NELL1: variants seen among roughly 807,000 people sequenced by gnomAD.
NELL1 encodes neural EGFL like 1.
Under a neutral mutation model 107.4 loss-of-function variants are expected in NELL1, and 76 were observed. The observed-to-expected ratio is 0.71, with a 90% CI of 0.59 to 0.86. The LOEUF is 0.86. Among genes scored for constraint, NELL1 ranks in the 40% least tolerant of loss-of-function variants. NELL1 has a pLI of 0.00. For synonymous variants in NELL1, 353 were observed against 341.2 expected, an observed-to-expected ratio of 1.03 and a Z score of -0.38; for missense variants, 1,024 against 1,005.5, an observed-to-expected ratio of 1.02 and a Z score of -0.25.
At chr11:20,820,868 C>T (rs1857735182) in intron 3 of NELL1, among the ~76,000 whole-genome samples, 2 of 150,912 alleles carry the variant, frequency 1.3e-5, no homozygotes, top group South Asian at 2.1e-4. Flanking sequence ...CCCCATTACC[C>T]TGATTTATGT....
At chr11:21,364,130 G>T (rs936875134) in intron 14 of NELL1, among the ~76,000 whole-genome samples, 1 of 151,980 alleles carries the variant, frequency 6.6e-6, no homozygotes, top group Non-Finnish European at 1.5e-5. Context: ...AAGACTTCAG[G>T]CCAGGCGTGG....
intron 14 of NELL1, among the ~76,000 whole-genome samples, chr11:21,355,331 G>A (rs971138496): frequency 2.6e-5 from 4 of 152,102 alleles, no homozygotes; most frequent in African/African-American, 4.8e-5. Context: ...TAGAGAAAAC[G>A]GGGCTGATAT....
intron 15 of NELL1, among the ~76,000 whole-genome samples, chr11:21,391,439 T>C (rs544371137): frequency 6.6e-6 from 1 of 151,834 alleles, no homozygotes; most frequent in Non-Finnish European, 1.5e-5. Flanking sequence ...ACATCTTCTC[T>C]GTTCTTTATT....
chr11:20,968,601 A>G (rs753311421), intron 12 of NELL1, among the ~76,000 whole-genome samples: 5 of 152,186 alleles, frequency 3.3e-5, no homozygotes, highest in African/African-American at 4.8e-5. Context: ...CCTTCACTAC[A>G]TGACAAGAGG....
At position 20,677,968 on chromosome 11, in the gene NELL1, A is replaced by T; in HGVS notation, c.92A>T (p.Asp31Val). The T allele has an allele frequency of 6.2e-7, 1 of 1,614,086 alleles. No individual in the cohort carries two copies. The highest frequency in any genetic ancestry group is 8.5e-7 in the Non-Finnish European group (1 of 1,180,004). Residue 31 changes from aspartate to valine, a missense_variant, in exon 2 of 20, where the codon GAT becomes GTT. By Grantham distance (152) the Asp-to-Val change is radical (BLOSUM62 -3). Transcript: ENST00000357134. ...GFGMDPDLQM[D>V]IVTELDLVNT... ...GGGATGGACCCTGACCTTCAGATGG[A>T]TATCGTCACCGAGCTTGACCTTGTG...
At chr11:21,099,168 A>G (rs1418802122) in intron 12 of NELL1, among the ~76,000 whole-genome samples, 4 of 149,614 alleles carry the variant, frequency 2.7e-5, no homozygotes, top group Non-Finnish European at 5.9e-5. Context: ...TTCTTTCACA[A>G]TTTATTGGAA....
At chr11:20,704,678 G>C (rs1271521356) in intron 2 of NELL1, among the ~76,000 whole-genome samples, 2 of 152,050 alleles carry the variant, frequency 1.3e-5, no homozygotes, top group Non-Finnish European at 2.9e-5. Context: ...CTTCCTTCAG[G>C]AGCTCTTGTA....
At chr11:21,099,110 A>G (rs1854730998) in intron 12 of NELL1, among the ~76,000 whole-genome samples, 1 of 151,578 alleles carries the variant, frequency 6.6e-6, no homozygotes, top group African/African-American at 2.4e-5. Flanking sequence ...GAAGGTTTCC[A>G]CTCAAAAGGC....
At chr11:21,242,354 A>T (rs1858385929) in intron 14 of NELL1, among the ~76,000 whole-genome samples, 1 of 152,074 alleles carries the variant, frequency 6.6e-6, no homozygotes, top group Non-Finnish European at 1.5e-5. Flanking sequence ...ATAAAAGGTC[A>T]AACACGAGAG....
intron 12 of NELL1, among the ~76,000 whole-genome samples, chr11:21,024,214 T>C (rs1852763404): frequency 1.3e-5 from 2 of 152,158 alleles, no homozygotes; most frequent in Non-Finnish European, 1.5e-5. Flanking sequence ...TTTACTTCAT[T>C]CACAAATATC....
intron 14 of NELL1, among the ~76,000 whole-genome samples, chr11:21,243,056 T>C (rs560643722): frequency 6.6e-6 from 1 of 152,260 alleles, no homozygotes; most frequent in Non-Finnish European, 1.5e-5. Context: ...GAGAATGATA[T>C]GTGAATTCCC....
At chr11:21,486,270 G>A (rs1202542125) in intron 15 of NELL1, among the ~76,000 whole-genome samples, 1 of 152,176 alleles carries the variant, frequency 6.6e-6, no homozygotes, top group East Asian at 1.9e-4. Flanking sequence ...GGGACCCGAA[G>A]ACTGGCCCAC....
At chr11:21,458,176 C>A (rs1186462273) in intron 15 of NELL1, among the ~76,000 whole-genome samples, 1 of 152,046 alleles carries the variant, frequency 6.6e-6, no homozygotes, top group African/African-American at 2.4e-5. Flanking sequence ...TTGTAAGAAC[C>A]AGTAGAGAGG....
chr11:21,303,599 G>A (rs1849544834), intron 14 of NELL1, among the ~76,000 whole-genome samples: 1 of 152,002 alleles, frequency 6.6e-6, no homozygotes, highest in African/African-American at 2.4e-5. Flanking sequence ...AAACAGCGTG[G>A]AGATTTCTCA....
intron 15 of NELL1, among the ~76,000 whole-genome samples, chr11:21,414,132 A>G (rs930082721): frequency 3.3e-5 from 5 of 152,054 alleles, no homozygotes; most frequent in East Asian, 3.9e-4. Context: ...ATGTCTAATG[A>G]GCTTGATACA....
At chr11:21,414,744 G>T (rs1209875779) in intron 15 of NELL1, among the ~76,000 whole-genome samples, 1 of 151,986 alleles carries the variant, frequency 6.6e-6, no homozygotes, top group African/African-American at 2.4e-5. Context: ...ATGTGCAATG[G>T]GCATTTGATA....
At chr11:21,461,394 C>T (rs936200113) in intron 15 of NELL1, among the ~76,000 whole-genome samples, 1 of 152,068 alleles carries the variant, frequency 6.6e-6, no homozygotes, top group Non-Finnish European at 1.5e-5. Flanking sequence ...TTTTGATTGA[C>T]TTTAACCTAG....
At chr11:20,814,702 T>C (rs1380094576) in intron 3 of NELL1, among the ~76,000 whole-genome samples, 2 of 152,234 alleles carry the variant, frequency 1.3e-5, no homozygotes, top group African/African-American at 4.8e-5. Flanking sequence ...AGTCCACTGT[T>C]GGTGGGCACC....
At chr11:21,395,293 A>G (rs1352142162) in intron 15 of NELL1, among the ~76,000 whole-genome samples, 1 of 151,458 alleles carries the variant, frequency 6.6e-6, no homozygotes, top group Non-Finnish European at 1.5e-5. Flanking sequence ...GCTTCTCCAA[A>G]TGAGATCCTG....
Sources: allele counts gnomAD v4.1 joint callset (sites outside exome capture counted in the v4.1 genomes callset), GRCh38; gene constraint gnomAD v4.1.1; transcripts MANE v1.5; gene names NCBI Gene and HGNC (gene_info 2026-07-23, HGNC 2026-07-21).